The following SUGCT variants were observed in gnomAD, a reference collection of about 807,000 sequenced individuals.
SUGCT encodes succinyl-CoA:glutarate-CoA transferase, also known as succinyl-CoA:glutarate CoA-transferase.
A neutral mutation model predicts 55.0 loss-of-function variants in SUGCT; 41 were observed. The ratio of observed to expected loss-of-function variants is 0.74; its 90% CI spans 0.58 to 0.97. The LOEUF is 0.97. SUGCT is among the 50% of genes least tolerant of loss of function. The probability of loss-of-function intolerance (pLI) is 0.00; values close to 1 mark genes in which losing one functional copy is unlikely to be tolerated. For missense variants in SUGCT, 568 were observed against 547.8 expected, an observed-to-expected ratio of 1.04 and a Z score of -0.37; for synonymous variants, 187 against 200.4, an observed-to-expected ratio of 0.93 and a Z score of 0.56.
At chr7:40,460,692 G>A (rs1789748075) in intron 11 of SUGCT, among the ~76,000 whole-genome samples, 1 of 152,132 alleles carries the variant, frequency 6.6e-6, no homozygotes, top group South Asian at 2.1e-4. Flanking sequence ...ATGTTATAGA[G>A]TTCAACTGTG....
chr7:40,249,344 T>TATAAAA (rs1554296394), intron 7 of SUGCT, among the ~76,000 whole-genome samples: 75 of 127,968 alleles, frequency 5.9e-4, no homozygotes, highest in African/African-American at 2.2e-3. Context: ...TATATATATA[T>TATAAAA]ATAATTATAT....
At chr7:40,138,314 A>G (rs1443013278) in intron 1 of SUGCT, among the ~76,000 whole-genome samples, 1 of 152,218 alleles carries the variant, frequency 6.6e-6, no homozygotes, top group Non-Finnish European at 1.5e-5. Context: ...TGTTGCTGCA[A>G]AAGACATAAT....
At chr7:40,347,478 C>A (rs544921771) in intron 9 of SUGCT, among the ~76,000 whole-genome samples, 2 of 152,222 alleles carry the variant, frequency 1.3e-5, no homozygotes, top group African/African-American at 4.8e-5. Flanking sequence ...ACAAAATGTT[C>A]AAAGTGTGGC....
chr7:40,198,937 GAGCCGAAATCATGCCATTGCATTCC>G (rs1431601175), intron 6 of SUGCT, among the ~76,000 whole-genome samples: 2 of 151,580 alleles, frequency 1.3e-5, no homozygotes, highest in East Asian at 1.9e-4. Context: ...AGGTTGCAGT[GAGCCGAAATCATGCCATTGCATTCC>G]AGCCTGGGTG....
chr7:40,978,252 G>T, the SUGCT span, among the ~76,000 whole-genome samples: 1 of 152,148 alleles, frequency 6.6e-6, no homozygotes, highest in Non-Finnish European at 1.5e-5. Flanking sequence ...TCTGTCATTT[G>T]TCTTTGCCTC....
At chr7:40,899,314 C>T in the SUGCT span, among the ~76,000 whole-genome samples, 1 of 152,148 alleles carries the variant, frequency 6.6e-6, no homozygotes, top group Non-Finnish European at 1.5e-5. Flanking sequence ...AAGGCAAGGC[C>T]CTTTATTTAC....
chr7:40,557,752 GAC>G (rs1295026331), intron 12 of SUGCT, among the ~76,000 whole-genome samples: 6 of 147,474 alleles, frequency 4.1e-5, no homozygotes, highest in African/African-American at 1.5e-4. Context: ...TAGTCTAGGT[GAC>G]AGAGTGAGAC....
At chr7:40,726,264 A>T (rs900046243) in intron 12 of SUGCT, among the ~76,000 whole-genome samples, 6 of 152,102 alleles carry the variant, frequency 3.9e-5, no homozygotes, top group African/African-American at 1.4e-4. Context: ...TTTATATATT[A>T]TATGTATTAT....
intron 12 of SUGCT, chr7:40,539,064 G>A (rs1003437831): frequency 4.7e-5 from 7 of 148,038 alleles, no homozygotes; most frequent in Admixed American, 3.4e-4. Context: ...GGGCGACAGA[G>A]CGAGACTCCA....
At chr7:40,382,685 C>A (rs1232048991) in intron 9 of SUGCT, among the ~76,000 whole-genome samples, 1 of 152,002 alleles carries the variant, frequency 6.6e-6, no homozygotes, top group Non-Finnish European at 1.5e-5. Context: ...AAGGAACTGA[C>A]CTAAAACAAA....
intron 12 of SUGCT, among the ~76,000 whole-genome samples, chr7:40,534,570 C>T (rs1019439628): frequency 3.9e-5 from 6 of 152,010 alleles, no homozygotes; most frequent in South Asian, 2.1e-4. Flanking sequence ...AGGCATGTGC[C>T]GCCGTGCCCA....
chr7:40,365,828 G>T (rs1348736401), intron 9 of SUGCT, among the ~76,000 whole-genome samples: 1 of 152,100 alleles, frequency 6.6e-6, no homozygotes, highest in Non-Finnish European at 1.5e-5. Flanking sequence ...CCTGAAAATG[G>T]CCATACTGCC....
At chr7:40,555,270 CTCTCTGA>C (rs1270406842) in intron 12 of SUGCT, among the ~76,000 whole-genome samples, 5 of 151,100 alleles carry the variant, frequency 3.3e-5, no homozygotes, top group African/African-American at 1.2e-4. Flanking sequence ...CCAGGATGCA[CTCTCTGA>C]TCAATGAAAC....
chr7:40,982,299 A>G, the SUGCT span, among the ~76,000 whole-genome samples: 4 of 152,210 alleles, frequency 2.6e-5, no homozygotes, highest in African/African-American at 9.6e-5. Flanking sequence ...TAATGCTGTA[A>G]TGCCAGGTGT....
At chr7:40,243,908 C>A in intron 7 of SUGCT, among the ~76,000 whole-genome samples, 1 of 152,138 alleles carries the variant, frequency 6.6e-6, no homozygotes, top group Non-Finnish European at 1.5e-5. Context: ...TGCGGTGGCT[C>A]ACGCCTATAA....
At chr7:40,371,152 T>C (rs994232972) in intron 9 of SUGCT, among the ~76,000 whole-genome samples, 1 of 152,168 alleles carries the variant, frequency 6.6e-6, no homozygotes, top group Non-Finnish European at 1.5e-5. Flanking sequence ...TTCTCATCTG[T>C]TTCTTACCCA....
chr7:40,245,443 T>A (rs12701802), intron 7 of SUGCT, among the ~76,000 whole-genome samples: 35 of 58,296 alleles, frequency 6.0e-4, no homozygotes, highest in East Asian at 1.7e-3. Context: ...TTTTTTTTTT[T>A]TTTTTTTTTT....
At chr7:40,549,411 G>C (rs776306378) in intron 12 of SUGCT, among the ~76,000 whole-genome samples, 1 of 152,152 alleles carries the variant, frequency 6.6e-6, no homozygotes, top group African/African-American at 2.4e-5. Flanking sequence ...TGTCAAATTA[G>C]AGGTAGCCTT....
At chr7:40,293,609 A>C (rs1484611937) in intron 8 of SUGCT, among the ~76,000 whole-genome samples, 1 of 152,230 alleles carries the variant, frequency 6.6e-6, no homozygotes, top group Non-Finnish European at 1.5e-5. Context: ...AGTCTGGGGC[A>C]GGATTCAGGA....
Sources: allele counts gnomAD v4.1 joint callset (sites outside exome capture counted in the v4.1 genomes callset), GRCh38; gene constraint gnomAD v4.1.1; transcripts MANE v1.5; gene names NCBI Gene and HGNC (gene_info 2026-07-23, HGNC 2026-07-21).